Variants in GRID2 observed in about 807,000 individuals in gnomAD.
GRID2 encodes the protein glutamate ionotropic receptor delta type subunit 2, also known as glutamate receptor ionotropic, delta-2.
GRID2 carries 33 observed loss-of-function variants against 114.8 expected under a neutral mutation model. The ratio of observed to expected loss-of-function variants is 0.29; its 90% CI spans 0.22 to 0.38. The LOEUF is 0.38. Among genes scored for constraint, GRID2 ranks in the 10% least tolerant of loss-of-function variants. The pLI is 1.00. For synonymous variants in GRID2, 505 were observed against 449.9 expected (o/e 1.12, Z -1.55); for missense variants, 1,184 against 1,257.7 (o/e 0.94, Z 0.89).
intron 4 of GRID2, among the ~76,000 whole-genome samples, chr4:93,154,159 A>G (rs1018697406): frequency 4.6e-5 from 7 of 152,068 alleles, no homozygotes; most frequent in African/African-American, 1.2e-4. Context: ...CACCCTCAGG[A>G]GTAATGATAC....
chr4:93,389,815 C>G (rs943614805), intron 8 of GRID2, among the ~76,000 whole-genome samples: 26 of 147,602 alleles, frequency 1.8e-4, no homozygotes, highest in Non-Finnish European at 3.4e-4. Context: ...TTTTTTGAGA[C>G]AGTCTTGCTC....
chr4:93,745,003 G>A (rs1014039946), intron 14 of GRID2, among the ~76,000 whole-genome samples: 1 of 152,102 alleles, frequency 6.6e-6, no homozygotes, highest in Non-Finnish European at 1.5e-5. Flanking sequence ...TTTAATTAAG[G>A]TATGTACTTT....
At chr4:93,132,075 A>G (rs1734857131) in intron 4 of GRID2, among the ~76,000 whole-genome samples, 1 of 152,198 alleles carries the variant, frequency 6.6e-6, no homozygotes, top group South Asian at 2.1e-4. Flanking sequence ...TATAAGTATA[A>G]TTTAAATATC....
In GRID2 at chr4:93,774,306, A is replaced by G. The variant is rs1734296815; in HGVS notation, c.*1808A>G. ...CTTGTTTTCCCTTGTAACATTCATG[A>G]TCTCATTTACAACTCTGATTTTAAA... On this transcript the variant is annotated 3_prime_UTR_variant, in exon 16 of 16. Transcript: ENST00000282020. 6.6e-6 allele frequency: 1 copy of G among 152,072 alleles called. No individual in the cohort carries two copies. The highest frequency in any genetic ancestry group is 1.5e-5 in the Non-Finnish European group (1 of 67,972). 9.4% of individuals were successfully genotyped at this position (152,072 alleles called of 1,614,324 possible).
intron 2 of GRID2, among the ~76,000 whole-genome samples, chr4:92,693,029 A>AAAG (rs376948169): frequency 0.072 from 10,920 of 150,660 alleles, 420 homozygotes; most frequent in East Asian, 0.084. Flanking sequence ...TCAAAAAAAA[A>AAAG]AAAAGAAAAG....
chr4:92,960,817 G>A (rs1188518848), intron 2 of GRID2, among the ~76,000 whole-genome samples: 3 of 151,188 alleles, frequency 2.0e-5, no homozygotes. Context: ...TCCTTTTTTT[G>A]TCTTCTACTC....
At chr4:93,088,460 G>C (rs1285288187) in intron 3 of GRID2, among the ~76,000 whole-genome samples, 1 of 152,052 alleles carries the variant, frequency 6.6e-6, no homozygotes, top group Non-Finnish European at 1.5e-5. Context: ...TTTCTTAATA[G>C]AGAAAATAGT....
intron 2 of GRID2, among the ~76,000 whole-genome samples, chr4:92,752,419 T>C (rs1262191647): frequency 2.6e-5 from 4 of 152,146 alleles, no homozygotes; most frequent in African/African-American, 9.7e-5. Flanking sequence ...AATAACACCT[T>C]TGAGTGGAAT....
chr4:92,883,455 G>C (rs1306158883), intron 2 of GRID2, among the ~76,000 whole-genome samples: 1 of 152,082 alleles, frequency 6.6e-6, no homozygotes, highest in Non-Finnish European at 1.5e-5. Context: ...CATGAACCAT[G>C]AATGTTCTGA....
intron 1 of GRID2, among the ~76,000 whole-genome samples, chr4:92,415,597 T>A (rs1314574692): frequency 6.6e-6 from 1 of 151,490 alleles, no homozygotes; most frequent in Non-Finnish European, 1.5e-5. Context: ...GTTACTTCAC[T>A]TAGAATAATG....
intron 1 of GRID2, among the ~76,000 whole-genome samples, chr4:92,499,724 C>T (rs1016085279): frequency 1.3e-4 from 20 of 152,176 alleles, no homozygotes; most frequent in African/African-American, 4.8e-4. Context: ...ATGCGATTCT[C>T]CTGCCTCAGC....
intron 2 of GRID2, among the ~76,000 whole-genome samples, chr4:92,967,971 A>G (rs1258032533): frequency 6.6e-6 from 1 of 151,870 alleles, no homozygotes; most frequent in Non-Finnish European, 1.5e-5. Flanking sequence ...CCTCTTATTC[A>G]TAATGAATGT....
intron 8 of GRID2, among the ~76,000 whole-genome samples, chr4:93,268,440 G>A (rs533516712): frequency 6.6e-6 from 1 of 152,192 alleles, no homozygotes; most frequent in Non-Finnish European, 1.5e-5. Context: ...TGGGGTTAGA[G>A]CTTCAACATA....
chr4:93,261,449 T>C (rs1217950224), intron 8 of GRID2, among the ~76,000 whole-genome samples: 4 of 151,812 alleles, frequency 2.6e-5, no homozygotes, highest in African/African-American at 9.7e-5. Context: ...TTGTGAGTTC[T>C]AGATGAAATC....
At chr4:93,543,885 A>G (rs553241962) in intron 13 of GRID2, among the ~76,000 whole-genome samples, 1 of 152,328 alleles carries the variant, frequency 6.6e-6, no homozygotes, top group African/African-American at 2.4e-5. Context: ...CAAGTTGTGC[A>G]GATGCTGTTA....
At chr4:93,802,020 C>A (rs1734941078) in intron 1 of GRID2, among the ~76,000 whole-genome samples, 1 of 152,218 alleles carries the variant, frequency 6.6e-6, no homozygotes, top group South Asian at 2.1e-4. Flanking sequence ...TTGAGGGAGA[C>A]AGAGAATCCA....
At chr4:92,629,474 C>A (rs1730684361) in intron 2 of GRID2, among the ~76,000 whole-genome samples, 2 of 152,020 alleles carry the variant, frequency 1.3e-5, no homozygotes, top group African/African-American at 4.8e-5. Context: ...CCTAGGTATT[C>A]AATTAAGCAC....
rs374624496 is a variant in GRID2, at chr4:93,629,570, T to C, written c.2360+3135T>C. ...TTTAAAAATTATAAAGATCATCAAATTTAACCATTTTAGTACACTGTGGTC... is the reference window on the plus strand; with the variant it reads ...TTTAAAAATTATAAAGATCATCAAACTTAACCATTTTAGTACACTGTGGTC... On this transcript the variant is annotated intron_variant, in intron 14 of 15. Transcript: ENST00000282020. Among the ~76,000 whole-genome samples the C allele has an allele frequency of 7.9e-5, 12 of 152,336 alleles. No individual in the cohort carries two copies. The South Asian group carries it at 2.5e-3, about 32-fold the overall frequency.
chr4:92,687,904 A>T (rs1028785780), intron 2 of GRID2, among the ~76,000 whole-genome samples: 1 of 151,998 alleles, frequency 6.6e-6, no homozygotes, highest in African/African-American at 2.4e-5. Flanking sequence ...CTTTTTGCTG[A>T]TGGAGGGTCA....
Sources: allele counts gnomAD v4.1 joint callset (sites outside exome capture counted in the v4.1 genomes callset), GRCh38; gene constraint gnomAD v4.1.1; transcripts MANE v1.5; gene names NCBI Gene and HGNC (gene_info 2026-07-23, HGNC 2026-07-21).